The following HERC1 variants were observed in gnomAD, a reference collection of about 807,000 sequenced individuals.
HERC1 encodes HECT and RLD domain containing E3 ubiquitin protein ligase family member 1, also known as probable E3 ubiquitin-protein ligase HERC1.
Under a neutral mutation model 554.3 loss-of-function variants are expected in HERC1, and 160 were observed. The observed-to-expected ratio is 0.29, with a 90% confidence interval of 0.25 to 0.33. The LOEUF (loss-of-function observed/expected upper bound fraction) is 0.33, where lower values mean the gene tolerates loss of function less well. Among genes scored for constraint, HERC1 ranks in the 10% least tolerant of loss-of-function variants. The pLI, the probability that HERC1 is intolerant of heterozygous loss-of-function variation, is 1.00. For missense variants in HERC1, 4,919 were observed against 5,918.5 expected (o/e 0.83, Z 5.54); for synonymous variants, 2,175 against 2,131.7 (o/e 1.02, Z -0.56).
chr15:63,675,209 T>C (rs1271286390), intron 37 of HERC1, 92 bp from the exon 38 acceptor site: 11 of 1,019,914 alleles, frequency 1.1e-5, no homozygotes, highest in Non-Finnish European at 1.6e-5. Context: ...ATAAGGTGCA[T>C]CATGTACACA....
At chr15:63,773,262 G>A (rs1275174835) in intron 2 of HERC1, among the ~76,000 whole-genome samples, 8 of 151,878 alleles carry the variant, frequency 5.3e-5, no homozygotes, top group Non-Finnish European at 2.9e-5. Context: ...TGGTCAACAT[G>A]GTGAAACCCC....
chr15:63,654,042 T>C, intron 51 of HERC1, 77 bp downstream of exon 51: 1 of 1,128,838 alleles, frequency 8.9e-7, no homozygotes, highest in Non-Finnish European at 1.3e-6. Context: ...GACCTAAACT[T>C]TGAGCTCCTT....
In HERC1 at chr15:63,696,247, T is replaced by A; in HGVS notation, c.4998A>T (p.Ser1666=). The part of the protein sequence containing the change: ...SISLAGSRLS[S]GFQSSTLLTS... ...TGAGTAGTGTGGAGGACTGGAAGCC[T>A]GAACTCAATCTGCTTCCTGCCAGTG... Residue 1666 remains serine (S), a synonymous_variant, in exon 27 of 78, where the codon TCA becomes TCT. Transcript: ENST00000443617. 6.2e-7 allele frequency: 1 copy of A among 1,613,072 alleles called. No individual in the cohort carries two copies. The highest frequency in any genetic ancestry group is 2.2e-5 in the East Asian group (1 of 44,848).
At chr15:63,634,070 T>C in intron 66 of HERC1, 100 bp from the exon 67 acceptor site, 1 of 1,365,300 alleles carries the variant, frequency 7.3e-7, no homozygotes, top group Non-Finnish European at 1.0e-6. Context: ...AAAACTTGGC[T>C]ATGTTTCCAA....
At chr15:63,783,334 A>G (rs1174783330) in intron 1 of HERC1, among the ~76,000 whole-genome samples, 2 of 152,188 alleles carry the variant, frequency 1.3e-5, no homozygotes, top group Admixed American at 1.3e-4. Flanking sequence ...AGCCATTAAC[A>G]TCAAGGCAAG....
At position 63,677,723 on chromosome 15, in the gene HERC1, A is replaced by G; in HGVS notation, c.7070+122T>C. 2 of 1,465,140 alleles carry G rather than the reference A, an allele frequency of 1.4e-6. No individual in the cohort carries two copies. Among genetic ancestry groups the G allele is most frequent in the Non-Finnish European group, 1.8e-6 (2 of 1,101,352 alleles). The allele number at this position is 1,465,140 out of a possible 1,614,324, so 90.8% of individuals were successfully genotyped here. On this transcript the variant is annotated intron_variant, in intron 37 of 77. Transcript: ENST00000443617. The surrounding 1 kb of genome is among the most constrained non-coding windows in gnomAD (Gnocchi z 4.4). ...CAGTAGAAACATCTAGCTGCATGAG[A>G]AATATTTTTAAAAGTTAACTGGCAG...
At chr15:63,798,420 AACAG>A (rs1348583694) in intron 1 of HERC1, among the ~76,000 whole-genome samples, 1 of 152,180 alleles carries the variant, frequency 6.6e-6, no homozygotes, top group Non-Finnish European at 1.5e-5. Flanking sequence ...CCACCTACGT[AACAG>A]ACACTTAAGA....
At chr15:63,721,186 T>C (rs1398567432) in intron 19 of HERC1, among the ~76,000 whole-genome samples, 1 of 152,162 alleles carries the variant, frequency 6.6e-6, no homozygotes, top group Non-Finnish European at 1.5e-5. Context: ...CTATTTCACC[T>C]CTGGTAGGAG....
chr15:63,710,006 T>C (rs1051527248), intron 24 of HERC1, among the ~76,000 whole-genome samples: 3 of 152,232 alleles, frequency 2.0e-5, no homozygotes, highest in African/African-American at 7.2e-5. Context: ...AGGCAAATAG[T>C]GCTTTAGCAA....
At chr15:63,730,659 CTCT>C (rs1315637844) in intron 14 of HERC1, among the ~76,000 whole-genome samples, 1 of 152,106 alleles carries the variant, frequency 6.6e-6, no homozygotes, top group Non-Finnish European at 1.5e-5. Context: ...AATAATTATT[CTCT>C]TGTTACATAA....
chr15:63,662,042 C>A (rs371144516), intron 44 of HERC1, 21 bp from the exon 45 acceptor site: 180 of 1,597,434 alleles, frequency 1.1e-4, no homozygotes, highest in Non-Finnish European at 1.5e-4. Context: ...GGATTTCATA[C>A]CAAATGATTA....
At position 63,632,490 on chromosome 15, in the gene HERC1, T is replaced by C. The variant is rs2068605920; in HGVS notation, c.12796+219A>G. ...GCAGGGACTCTTCTAGCAAGAGTGC[T>C]GGCTCTGGCATAAGGGGTCTTAATG... On this transcript the variant is annotated intron_variant, in intron 68 of 77. Coordinates refer to ENST00000443617, the MANE Select transcript of HERC1 (RefSeq NM_003922.4). 4.1e-5 allele frequency: 25 copies of C among 612,484 alleles called. No homozygotes were observed. The South Asian group carries it at 4.2e-4, about 10-fold the overall frequency. 37.9% of individuals were successfully genotyped at this position (612,484 alleles called of 1,614,324 possible).
Position 63,633,985 on chromosome 15 carries a change from G to A in HERC1, c.12571-15C>T. On this transcript the variant is annotated splice_polypyrimidine_tract_variant and intron_variant, in intron 66 of 77. Transcript: ENST00000443617. ...CCACAGGCCACCTAAAGAAATAACA[G>A]CATTCCGTAAGGCAAATCACAAGAC... The A allele has an allele frequency of 1.9e-6, 3 of 1,613,594 alleles. No individual in the cohort carries two copies. The highest frequency in any genetic ancestry group is 2.5e-6 in the Non-Finnish European group (3 of 1,179,666).
At chr15:63,695,386 T>A (rs867470707) in intron 27 of HERC1, among the ~76,000 whole-genome samples, 19,827 of 134,450 alleles carry the variant, frequency 0.15, 1,646 homozygotes, top group Middle Eastern at 0.25. Context: ...GTATAATCTT[T>A]TTTTTTTTTT....
At chr15:63,804,781 A>T (rs1354748144) in intron 1 of HERC1, among the ~76,000 whole-genome samples, 2 of 152,220 alleles carry the variant, frequency 1.3e-5, no homozygotes, top group Non-Finnish European at 2.9e-5. Context: ...AAATGAGCAA[A>T]ATATCTGGAC....
chr15:63,705,508 G>GA (rs141582502), intron 25 of HERC1, among the ~76,000 whole-genome samples: 3,777 of 152,016 alleles, frequency 0.025, 148 homozygotes, highest in African/African-American at 0.088. Flanking sequence ...ACATGAAAAT[G>GA]AAAAAATTAT....
rs533041916 is a variant in HERC1 at position 63,823,738 on chromosome 15, T to A, written c.-27+10089A>T. 3.9e-5 allele frequency among the ~76,000 whole-genome samples: 6 copies of A among 152,230 alleles called. No homozygotes were observed. In the South Asian group the frequency reaches 1.2e-3, roughly 32 times the overall value. On this transcript the variant is annotated intron_variant, in intron 1 of 77. Coordinates refer to ENST00000443617, the MANE Select transcript of HERC1 (RefSeq NM_003922.4). ...GGGTTTATTCTCTTATGAAACCCAG[T>A]TGAAAGAAAAAAAGAAACTATACTA...
intron 46 of HERC1, 64 bp downstream of exon 46, chr15:63,660,907 CAG>C: frequency 2.1e-6 from 2 of 956,966 alleles, no homozygotes; most frequent in Non-Finnish European, 3.4e-6. Flanking sequence ...ATTTTAGTAA[CAG>C]ATGTTAAGCA....
chr15:63,715,102 A>C (rs972674826), intron 22 of HERC1, among the ~76,000 whole-genome samples: 2 of 152,184 alleles, frequency 1.3e-5, no homozygotes, highest in Non-Finnish European at 2.9e-5. Flanking sequence ...ACCTGCTTCT[A>C]ATTCTAGCTG....
Sources: gnomAD v4.1 joint callset for allele counts (sites outside exome capture counted in the v4.1 genomes callset) on GRCh38, gnomAD v4.1.1 for gene constraint, Gnocchi (gnomAD v3.1) non-coding constraint, MANE v1.5 for transcripts, NCBI Gene and HGNC (gene_info 2026-07-23, HGNC 2026-07-21) for gene names.